Variants in FNDC3B observed in about 807,000 individuals in gnomAD.
FNDC3B encodes fibronectin type III domain containing 3B.
Under a neutral mutation model 151.5 loss-of-function variants are expected in FNDC3B, and 12 were observed. The observed-to-expected ratio is 0.08, with a 90% CI of 0.05 to 0.13. The LOEUF (loss-of-function observed/expected upper bound fraction) is 0.13, where lower values mean the gene tolerates loss of function less well. FNDC3B is among the 10% of genes least tolerant of loss of function. The pLI is 1.00. For synonymous variants in FNDC3B, 528 were observed against 549.0 expected (o/e 0.96, Z 0.54); for missense variants, 1,214 against 1,505.3 (o/e 0.81, Z 3.20).
At chr3:172,092,733 C>T (rs183285417) in intron 1 of FNDC3B, among the ~76,000 whole-genome samples, 29 of 152,346 alleles carry the variant, frequency 1.9e-4, no homozygotes, top group East Asian at 1.3e-3. Flanking sequence ...AGCTCAGCAG[C>T]GGTCTCTTGC....
chr3:172,279,669 C>A (rs183102344), intron 6 of FNDC3B, among the ~76,000 whole-genome samples: 112 of 152,220 alleles, frequency 7.4e-4, no homozygotes, highest in Non-Finnish European at 1.2e-4. Context: ...ACTGCATTGT[C>A]CTTATATTAT....
At chr3:172,350,358 C>T (rs1733800112) in intron 21 of FNDC3B, among the ~76,000 whole-genome samples, 1 of 152,200 alleles carries the variant, frequency 6.6e-6, no homozygotes, top group East Asian at 1.9e-4. Flanking sequence ...TAAGCTTCAA[C>T]TCTTAAAAGC....
chr3:172,222,859 A>T (rs1038950322), intron 3 of FNDC3B, among the ~76,000 whole-genome samples: 1 of 152,176 alleles, frequency 6.6e-6, no homozygotes, highest in African/African-American at 2.4e-5. Flanking sequence ...GAAACAGAGG[A>T]TGAGGCAGAA....
chr3:172,316,374 G>A (rs1325400880), intron 11 of FNDC3B: 2 of 452,392 alleles, frequency 4.4e-6, no homozygotes, highest in Non-Finnish European at 8.9e-6. Flanking sequence ...TATGGGAGAA[G>A]GATTGAGGAT....
intron 1 of FNDC3B, among the ~76,000 whole-genome samples, chr3:172,051,732 A>ATT (rs1716663999): frequency 6.6e-6 from 1 of 152,176 alleles, no homozygotes; most frequent in Non-Finnish European, 1.5e-5. Flanking sequence ...TTTTTCCTCA[A>ATT]AGTAGGGAAC....
intron 5 of FNDC3B, among the ~76,000 whole-genome samples, chr3:172,248,985 G>A (rs1475509380): frequency 6.6e-6 from 1 of 151,750 alleles, no homozygotes; most frequent in Admixed American, 6.6e-5. Flanking sequence ...TTTCATAGCA[G>A]CATCAATAAC....
chr3:172,134,492 T>G (rs1721264666), intron 3 of FNDC3B: 1 of 458,210 alleles, frequency 2.2e-6, no homozygotes, highest in Admixed American at 2.3e-5. Context: ...GGCTTTACTA[T>G]TAATACCTGA....
chr3:172,367,662 T>TA (rs1343113308), intron 23 of FNDC3B, among the ~76,000 whole-genome samples: 1 of 152,246 alleles, frequency 6.6e-6, no homozygotes, highest in African/African-American at 2.4e-5. Context: ...AATGAAATGT[T>TA]ATGCTGCCCT....
chr3:172,298,584 T>C, intron 8 of FNDC3B, 144 bp from the exon 9 acceptor site: 1 of 496,784 alleles, frequency 2.0e-6, no homozygotes. Flanking sequence ...TAATATCAAA[T>C]AAGAAAGTTT....
At chr3:172,219,681 T>C (rs1426925183) in intron 3 of FNDC3B, among the ~76,000 whole-genome samples, 1 of 152,216 alleles carries the variant, frequency 6.6e-6, no homozygotes, top group Non-Finnish European at 1.5e-5. Context: ...TTTCTGTAGA[T>C]TTATTTATTC....
rs79677558 is a variant in FNDC3B, at chr3:172,283,517, G to T, written c.791-2409G>T. On this transcript the variant is annotated intron_variant, in intron 6 of 25. Coordinates refer to ENST00000415807, the MANE Select transcript of FNDC3B (RefSeq NM_022763.4). The stretch of plus-strand genomic sequence containing the variant: ...TGTTCTAAACTTTTATTACTCCAAG[G>T]ATAGGGTCTGACTTGTTGCCTTTCT... 1.6e-3 allele frequency among the ~76,000 whole-genome samples: 244 copies of T among 152,252 alleles called. 1 individual carries two copies. Among genetic ancestry groups the T allele is most frequent in the African/African-American group, 5.7e-3 (238 of 41,544 alleles).
chr3:172,119,190 AAAG>A (rs1720416252), intron 2 of FNDC3B, among the ~76,000 whole-genome samples: 2 of 151,314 alleles, frequency 1.3e-5, no homozygotes, highest in South Asian at 2.1e-4. Flanking sequence ...AAAAAAAAAA[AAAG>A]AATGAGAGGA....
At chr3:172,269,135 A>G (rs1389598014) in intron 6 of FNDC3B, among the ~76,000 whole-genome samples, 3 of 152,246 alleles carry the variant, frequency 2.0e-5, no homozygotes, top group African/African-American at 4.8e-5. Context: ...AGTCTCCACT[A>G]TAGTATGTTC....
At chr3:172,146,527 A>G (rs541537339) in intron 3 of FNDC3B, among the ~76,000 whole-genome samples, 2 of 152,296 alleles carry the variant, frequency 1.3e-5, no homozygotes, top group Non-Finnish European at 2.9e-5. Context: ...AGTGGTTTTG[A>G]AAAGCTCCCG....
At chr3:172,307,590 G>A (rs1465583520) in intron 10 of FNDC3B, 89 bp downstream of exon 10, 5 of 1,312,904 alleles carry the variant, frequency 3.8e-6, no homozygotes, top group Admixed American at 1.8e-5. Context: ...CTACCTGGGA[G>A]GCTGAGGAGG....
intron 3 of FNDC3B, among the ~76,000 whole-genome samples, chr3:172,201,783 A>C (rs757867511): frequency 2.6e-5 from 4 of 152,230 alleles, no homozygotes; most frequent in Non-Finnish European, 5.9e-5. Flanking sequence ...GATTTAGGAA[A>C]TAAATTTACG....
chr3:172,101,754 C>T (rs1719388792), intron 1 of FNDC3B, among the ~76,000 whole-genome samples: 1 of 152,180 alleles, frequency 6.6e-6, no homozygotes, highest in South Asian at 2.1e-4. Flanking sequence ...ATTAAAATCA[C>T]CATGGAAGAC....
rs182737812 is a variant in FNDC3B at position 172,199,624 on chromosome 3, G to A, written c.188-27247G>A. On this transcript the variant is annotated intron_variant, in intron 3 of 25. Coordinates refer to ENST00000415807, the MANE Select transcript of FNDC3B (RefSeq NM_022763.4). Reference sequence around the variant, plus strand: ...GTATAATGAAACTAATTTTACCATAGGCTAATTGATATAAATAGAATTAAA... The same window carrying A: ...GTATAATGAAACTAATTTTACCATAAGCTAATTGATATAAATAGAATTAAA... 2.4e-3 allele frequency among the ~76,000 whole-genome samples: 373 copies of A among 152,248 alleles called. 1 individual carries two copies. Among genetic ancestry groups the A allele is most frequent in the African/African-American group, 8.4e-3 (350 of 41,538 alleles).
At chr3:172,360,393 C>G (rs1307456467) in intron 22 of FNDC3B, among the ~76,000 whole-genome samples, 1 of 152,086 alleles carries the variant, frequency 6.6e-6, no homozygotes, top group African/African-American at 2.4e-5. Flanking sequence ...TTCTTCCAGT[C>G]TCTAGTTATT....
Sources: allele counts gnomAD v4.1 joint callset (sites outside exome capture counted in the v4.1 genomes callset), GRCh38; gene constraint gnomAD v4.1.1; transcripts MANE v1.5; gene names NCBI Gene and HGNC (gene_info 2026-07-23, HGNC 2026-07-21).